Variants in CAST observed in about 807,000 individuals in gnomAD.
CAST encodes MIR583 host.
A neutral mutation model predicts 119.6 loss-of-function variants in CAST; 76 were observed. That is an observed-to-expected ratio of 0.64 (90% confidence interval 0.53 to 0.77). CAST has a LOEUF of 0.77. Among genes scored for constraint, CAST ranks in the 30% least tolerant of loss-of-function variants. The pLI is 0.00. For synonymous variants in CAST, 319 were observed against 331.6 expected (o/e 0.96, Z 0.41); for missense variants, 953 against 946.5 (o/e 1.01, Z -0.09).
At chr5:96,196,445 G>A in the CAST span, among the ~76,000 whole-genome samples, 9 of 152,150 alleles carry the variant, frequency 5.9e-5, no homozygotes, top group South Asian at 4.1e-4. Context: ...CTGATCTCAC[G>A]TATGTTCTAA....
chr5:96,554,718 C>T (rs1389903606), intron 1 of CAST, among the ~76,000 whole-genome samples: 1 of 152,106 alleles, frequency 6.6e-6, no homozygotes, highest in African/African-American at 2.4e-5. Flanking sequence ...AGAAATAAAA[C>T]AACCCCAACA....
chr5:96,035,023 C>T, the CAST span, among the ~76,000 whole-genome samples: 1 of 137,248 alleles, frequency 7.3e-6, no homozygotes, highest in African/African-American at 2.9e-5. Flanking sequence ...CAATGATGGA[C>T]ATTTAAGTTG....
At chr5:96,157,289 T>C in the CAST span, among the ~76,000 whole-genome samples, 1 of 152,206 alleles carries the variant, frequency 6.6e-6, no homozygotes, top group African/African-American at 2.4e-5. Context: ...ATCTCATCTG[T>C]AAAGGAAGTG....
the CAST span, among the ~76,000 whole-genome samples, chr5:96,490,787 A>G: frequency 6.6e-6 from 1 of 152,188 alleles, no homozygotes; most frequent in African/African-American, 2.4e-5. Context: ...GTGCAAAACA[A>G]TAAAACTTTC....
chr5:96,408,112 T>G, the CAST span: 1 of 750,376 alleles, frequency 1.3e-6, no homozygotes, highest in African/African-American at 1.7e-5. Flanking sequence ...TTATCTTTAT[T>G]TGCAGTATTC....
At chr5:96,097,935 A>C in the CAST span, among the ~76,000 whole-genome samples, 2 of 152,174 alleles carry the variant, frequency 1.3e-5, no homozygotes, top group African/African-American at 4.8e-5. Context: ...GAACTAATTT[A>C]CACTCCCACC....
At chr5:96,716,346 C>T (rs28093) in intron 3 of CAST, among the ~76,000 whole-genome samples, 25,077 of 152,094 alleles carry the variant, frequency 0.16, 2,315 homozygotes, top group East Asian at 0.31. Context: ...GTTTAAATTG[C>T]GTTATTCTAA....
At chr5:96,473,521 T>C in the CAST span, among the ~76,000 whole-genome samples, 6 of 152,248 alleles carry the variant, frequency 3.9e-5, no homozygotes, top group Non-Finnish European at 8.8e-5. Flanking sequence ...TCCTCCAGTG[T>C]GGCTCTTGTT....
At chr5:96,703,847 G>T (rs1754392274) in intron 3 of CAST, among the ~76,000 whole-genome samples, 1 of 152,190 alleles carries the variant, frequency 6.6e-6, no homozygotes, top group Non-Finnish European at 1.5e-5. Flanking sequence ...TTCAAAAGGG[G>T]AAAGTCTATT....
chr5:96,709,869 G>A (rs1446129634), intron 3 of CAST, among the ~76,000 whole-genome samples: 2 of 152,208 alleles, frequency 1.3e-5, no homozygotes, highest in African/African-American at 4.8e-5. Flanking sequence ...TATAATGTGT[G>A]CAGCATTAGG....
chr5:96,654,598 T>C (rs1325539005), intron 1 of CAST, among the ~76,000 whole-genome samples: 1 of 152,208 alleles, frequency 6.6e-6, no homozygotes, highest in Non-Finnish European at 1.5e-5. Flanking sequence ...AAATATCTTC[T>C]AGACATACAC....
the CAST span, among the ~76,000 whole-genome samples, chr5:96,358,091 C>T: frequency 6.6e-6 from 1 of 152,142 alleles, no homozygotes; most frequent in Non-Finnish European, 1.5e-5. Context: ...TTATCCATTT[C>T]TTCTAGATTT....
At chr5:96,154,446 A>T in the CAST span, among the ~76,000 whole-genome samples, 1 of 152,168 alleles carries the variant, frequency 6.6e-6, no homozygotes, top group East Asian at 1.9e-4. Context: ...GAGTTCCCAT[A>T]TGTTCTATAT....
At chr5:96,132,721 T>C in the CAST span, among the ~76,000 whole-genome samples, 4 of 152,158 alleles carry the variant, frequency 2.6e-5, no homozygotes, top group East Asian at 1.9e-4. Context: ...TGAGTCTTCA[T>C]GGACTGAGAG....
the CAST span, among the ~76,000 whole-genome samples, chr5:95,968,028 C>G: frequency 6.6e-6 from 1 of 152,150 alleles, no homozygotes; most frequent in African/African-American, 2.4e-5. Flanking sequence ...CCTGAGATTT[C>G]CTTTTCCAAA....
the CAST span, among the ~76,000 whole-genome samples, chr5:96,270,141 G>A: frequency 1.4e-4 from 22 of 151,976 alleles, no homozygotes; most frequent in Admixed American, 3.3e-4. Flanking sequence ...AACAAAAACC[G>A]TATAATCATT....
At chr5:96,194,266 T>C in the CAST span, among the ~76,000 whole-genome samples, 1 of 152,172 alleles carries the variant, frequency 6.6e-6, no homozygotes, top group Non-Finnish European at 1.5e-5. Context: ...TGCATAATCA[T>C]TGGAATCATT....
At chr5:96,516,728 C>T in the CAST span, among the ~76,000 whole-genome samples, 1 of 152,212 alleles carries the variant, frequency 6.6e-6, no homozygotes, top group East Asian at 1.9e-4. Flanking sequence ...GAGTTCACGA[C>T]TTGACAAGTT....
At chr5:96,320,361 C>T in the CAST span, among the ~76,000 whole-genome samples, 2 of 151,566 alleles carry the variant, frequency 1.3e-5, no homozygotes, top group Non-Finnish European at 2.9e-5. Flanking sequence ...CCTAAGCCTC[C>T]CGAGTAGCTG....
Sources: gnomAD v4.1 joint callset for allele counts (sites outside exome capture counted in the v4.1 genomes callset) on GRCh38, gnomAD v4.1.1 for gene constraint, MANE v1.5 for transcripts, NCBI Gene and HGNC (gene_info 2026-07-23, HGNC 2026-07-21) for gene names.